The following ALDH3B1 variants were observed in gnomAD, a reference collection of about 807,000 sequenced individuals.
ALDH3B1 encodes aldehyde dehydrogenase 3 family member B1, also known as aldehyde dehydrogenase family 3 member B1.
Under a neutral mutation model 46.2 loss-of-function variants are expected in ALDH3B1, and 37 were observed. The observed-to-expected ratio is 0.80, with a 90% CI of 0.62 to 1.05. The LOEUF is 1.05. ALDH3B1 is among the 50% of genes least tolerant of loss of function. The pLI is 0.00. For synonymous variants in ALDH3B1, 283 were observed against 281.0 expected (o/e 1.01, Z -0.07); for missense variants, 603 against 665.5 (o/e 0.91, Z 1.03).
At chr11:68,026,548 A>C (rs1590784045) in intron 9 of ALDH3B1, among the ~76,000 whole-genome samples, 7 of 144,150 alleles carry the variant, frequency 4.9e-5, no homozygotes, top group African/African-American at 1.0e-4. Flanking sequence ...ACACCTCCCC[A>C]CCCTGAGAGG....
At chr11:68,027,539 TATCTTGCCCTGGC>T (rs930279479) in intron 9 of ALDH3B1, among the ~76,000 whole-genome samples, 197 bp from the exon 10 acceptor site, 4 of 152,170 alleles carry the variant, frequency 2.6e-5, no homozygotes, top group African/African-American at 9.7e-5. Context: ...ACCACCCGCC[TATCTTGCCCTGGC>T]ATCTGGCATC....
chr11:68,014,286 G>T (rs1360668889), intron 1 of ALDH3B1, among the ~76,000 whole-genome samples: 1 of 152,174 alleles, frequency 6.6e-6, no homozygotes, highest in Admixed American at 6.5e-5. Context: ...AGAACGCTGG[G>T]GAGCAGAGTC....
At chr11:68,021,952 T>G in intron 7 of ALDH3B1, 81 bp downstream of exon 7, 2 of 1,516,086 alleles carry the variant, frequency 1.3e-6, no homozygotes, top group African/African-American at 1.4e-5. Flanking sequence ...GCCACAACTC[T>G]GGACCCGCGC....
upstream of ALDH3B1, among the ~76,000 whole-genome samples, chr11:68,009,156 A>G (rs1195748127): frequency 6.6e-6 from 1 of 152,162 alleles, no homozygotes; most frequent in South Asian, 2.1e-4. Context: ...CACACGCCCC[A>G]TGTTCACATC....
At chr11:68,017,648 G>C (rs12789057) in intron 2 of ALDH3B1, 1 of 152,094 alleles carries the variant, frequency 6.6e-6, no homozygotes, top group Non-Finnish European at 1.5e-5. Context: ...CTATTGATTC[G>C]GGTCTCCTCA....
chr11:68,014,202 G>A (rs954869274), intron 1 of ALDH3B1, among the ~76,000 whole-genome samples: 1 of 152,188 alleles, frequency 6.6e-6, no homozygotes, highest in African/African-American at 2.4e-5. Flanking sequence ...CTAATGAGGG[G>A]GAAATAAGGG....
chr11:68,015,413 A>G lies in ALDH3B1; in HGVS notation c.116A>G (p.Glu39Gly). 6.4e-7 allele frequency: 1 copy of G among 1,557,866 alleles called. No individual in the cohort carries two copies. The highest frequency in any genetic ancestry group is 8.7e-7 in the Non-Finnish European group (1 of 1,151,174). ...CAAGGCCTGGGCCGCTTCCTGCAAGAAAACAAGCAGCTTCTGCACGACGCA... is the reference window on the plus strand; with the variant it reads ...CAAGGCCTGGGCCGCTTCCTGCAAGGAAACAAGCAGCTTCTGCACGACGCA... ...QLQGLGRFLQENKQLLHDALA... is the reference protein window; with the variant it reads ...QLQGLGRFLQGNKQLLHDALA... Residue 39 changes from glutamate to glycine, a missense_variant, in exon 2 of 10, where the codon GAA becomes GGA. Glu to Gly is a moderately conservative substitution (Grantham distance 98). Transcript: ENST00000342456.
chr11:68,028,152 G>A lies in ALDH3B1; in HGVS notation c.*213G>A, dbSNP rs965454922. The A allele has an allele frequency of 2.6e-6, 2 of 765,134 alleles. No homozygotes were observed. The highest frequency in any genetic ancestry group is 4.7e-6 in the Non-Finnish European group (2 of 427,578). 47.4% of individuals were successfully genotyped at this position (765,134 alleles called of 1,614,324 possible). ...GCTCCCAACCATGAGAGCCGAGGTG[G>A]GAGGCATGGGAAACAGTGCAGTGAC... On this transcript the variant is annotated 3_prime_UTR_variant, in exon 10 of 10. Coordinates refer to ENST00000342456, the MANE Select transcript of ALDH3B1 (RefSeq NM_000694.4).
intron 9 of ALDH3B1, among the ~76,000 whole-genome samples, chr11:68,027,243 G>GC (rs908005395): frequency 6.6e-6 from 1 of 152,048 alleles, no homozygotes; most frequent in African/African-American, 2.4e-5. Flanking sequence ...ACTGCAGGAA[G>GC]CCCCCCAGCC....
rs1857322438 is a variant in ALDH3B1 at position 68,015,302 on chromosome 11, AC to A, written c.10del (p.Asp6ThrfsTer77). 2.7e-6 allele frequency: 4 copies of A among 1,478,572 alleles called. No individual in the cohort carries two copies. Among genetic ancestry groups the A allele is most frequent in the South Asian group, 2.8e-5 (2 of 72,540 alleles). The allele number at this position is 1,478,572 out of a possible 1,614,324, so 91.6% of individuals were successfully genotyped here. ...CATGCCACCCCATCTGGCAGGATGG[AC>A]CCCCTTGGGGACACGCTGCGGCGAC... Reference protein sequence around the residue: MDPLGDTLRRLR... With the variant: MXPLGDTLRRLR... On this transcript the variant is annotated frameshift_variant, in exon 2 of 10. Transcript: ENST00000342456. LOFTEE classifies it high-confidence loss of function.
chr11:68,026,222 A>G (rs1406640699), intron 9 of ALDH3B1, 114 bp downstream of exon 9: 1 of 926,630 alleles, frequency 1.1e-6, no homozygotes, highest in Non-Finnish European at 1.6e-6. Flanking sequence ...AGGGACAGGC[A>G]AGGAGGCCTC....
At chr11:68,012,521 C>T (rs913838891) in intron 1 of ALDH3B1, among the ~76,000 whole-genome samples, 6 of 152,242 alleles carry the variant, frequency 3.9e-5, no homozygotes, top group Non-Finnish European at 8.8e-5. Context: ...CCCCAGAGAC[C>T]CTTGGGCCCA....
intron 7 of ALDH3B1, among the ~76,000 whole-genome samples, chr11:68,022,089 G>C (rs1343937694): frequency 2.0e-5 from 3 of 152,228 alleles, no homozygotes; most frequent in African/African-American, 7.2e-5. Flanking sequence ...TGGATTCGCT[G>C]AGCTCAGATC....
At chr11:68,019,850 A>T in intron 6 of ALDH3B1, 54 bp downstream of exon 6, 1 of 1,572,248 alleles carries the variant, frequency 6.4e-7, no homozygotes, top group Non-Finnish European at 8.7e-7. Flanking sequence ...ACAGCTGCTC[A>T]GGGGTCCTGT....
At chr11:68,011,020 A>G (rs1379808359) in intron 1 of ALDH3B1, among the ~76,000 whole-genome samples, 1 of 152,198 alleles carries the variant, frequency 6.6e-6, no homozygotes, top group Non-Finnish European at 1.5e-5. Flanking sequence ...CGAGCCACCA[A>G]TGAGGGGATA....
intron 1 of ALDH3B1, among the ~76,000 whole-genome samples, chr11:68,013,527 T>C (rs1857277836): frequency 6.6e-6 from 1 of 152,152 alleles, no homozygotes. Context: ...TTGAGGGAGA[T>C]AAATATTTGC....
Position 68,021,659 on chromosome 11 carries a change from C to T in ALDH3B1, c.737C>T (p.Ala246Val), listed in dbSNP as rs374881074. Reference sequence around the variant, plus strand: ...TTCAACGCCGGCCAGACCTGCGTGGCCCCCGACTACGTCCTATGCAGCCCT... The same window carrying T: ...TTCAACGCCGGCCAGACCTGCGTGGTCCCCGACTACGTCCTATGCAGCCCT... ...RYFNAGQTCV[A>V]PDYVLCSPEM... The change falls in exon 7 of 10, where the codon GCC becomes GTC. Residue 246 changes from alanine to valine, a missense_variant. Ala to Val is a moderately conservative substitution (Grantham distance 64, BLOSUM62 0). Transcript: ENST00000342456. 4 of 1,613,824 alleles carry T rather than the reference C, an allele frequency of 2.5e-6. No individual in the cohort carries two copies. The highest frequency in any genetic ancestry group is 2.7e-5 in the African/African-American group (2 of 74,900).
At position 68,029,145 on chromosome 11, in the gene ALDH3B1, C is replaced by T. The variant is rs562561250; in HGVS notation, c.*1206C>T. 67 of 152,400 alleles carry T rather than the reference C, an allele frequency of 4.4e-4. No individual in the cohort carries two copies. The highest frequency in any genetic ancestry group is 1.6e-3 in the African/African-American group (65 of 41,590). 9.4% of individuals were successfully genotyped at this position (152,400 alleles called of 1,614,324 possible). ...GCGGCCTGCGGGCCACCTCCTCTTC[C>T]TTGGCTCCTGCTTTCTTTTTAGACT... On this transcript the variant is annotated 3_prime_UTR_variant, in exon 10 of 10. Transcript: ENST00000342456.
At chr11:68,009,072 C>T (rs1344584686), upstream of ALDH3B1, among the ~76,000 whole-genome samples, 1 of 152,176 alleles carries the variant, frequency 6.6e-6, no homozygotes, top group Non-Finnish European at 1.5e-5. Context: ...GAGAGGCAGG[C>T]ACTCCTCCTG....
Sources: gnomAD v4.1 joint callset for allele counts (sites outside exome capture counted in the v4.1 genomes callset) on GRCh38, gnomAD v4.1.1 for gene constraint, MANE v1.5 for transcripts, NCBI Gene and HGNC (gene_info 2026-07-23, HGNC 2026-07-21) for gene names.